Variants in CLVS1 observed in about 807,000 individuals in gnomAD.
CLVS1 encodes clavesin-1.
In CLVS1, 10 loss-of-function variants were observed where a neutral mutation model predicts 33.1. The ratio of observed to expected loss-of-function variants is 0.30; its 90% CI spans 0.19 to 0.51. The LOEUF (loss-of-function observed/expected upper bound fraction) is 0.51. CLVS1 is among the 20% of genes least tolerant of loss of function. The probability of loss-of-function intolerance (pLI) is 0.97; values close to 1 mark genes in which losing one functional copy is unlikely to be tolerated. For missense variants in CLVS1, 343 were observed against 433.4 expected, an observed-to-expected ratio of 0.79 and a Z score of 1.85; for synonymous variants, 163 against 166.1, an observed-to-expected ratio of 0.98 and a Z score of 0.14.
At chr8:61,395,062 A>G (rs575407325) in intron 3 of CLVS1, among the ~76,000 whole-genome samples, 1 of 152,316 alleles carries the variant, frequency 6.6e-6, no homozygotes, top group South Asian at 2.1e-4. Flanking sequence ...AGTTCCTTAT[A>G]TATTTTAGAT....
intron 3 of CLVS1, among the ~76,000 whole-genome samples, chr8:61,424,115 G>GC (rs1486115322): frequency 6.6e-6 from 1 of 152,156 alleles, no homozygotes; most frequent in East Asian, 1.9e-4. Flanking sequence ...AAACCTGTTA[G>GC]CAAGTTCACT....
At chr8:61,059,475 C>CTTATATATATATATATAT (rs71559322) in intron 1 of CLVS1, among the ~76,000 whole-genome samples, 1 of 50,214 alleles carries the variant, frequency 2.0e-5, no homozygotes, top group Non-Finnish European at 4.0e-5. Context: ...TACATACATA[C>CTTATATATATATATATAT]ATATATATAT....
chr8:61,178,339 G>A (rs562190378), intron 2 of CLVS1, among the ~76,000 whole-genome samples: 5 of 151,792 alleles, frequency 3.3e-5, no homozygotes, highest in Non-Finnish European at 7.4e-5. Context: ...AAGAAATTTG[G>A]GGCTATGTAA....
chr8:61,117,518 T>G (rs1355889094), intron 1 of CLVS1, among the ~76,000 whole-genome samples: 1 of 150,536 alleles, frequency 6.6e-6, no homozygotes, highest in Non-Finnish European at 1.5e-5. Flanking sequence ...TTGTCATAGA[T>G]AGCTCTTATT....
chr8:61,328,593 G>A (rs1279586042), intron 2 of CLVS1, among the ~76,000 whole-genome samples: 2 of 151,786 alleles, frequency 1.3e-5, no homozygotes, highest in Admixed American at 6.6e-5. Flanking sequence ...TTCATTCAAA[G>A]CATCATACAA....
chr8:60,997,782 AG>A, the CLVS1 span, among the ~76,000 whole-genome samples: 1 of 152,252 alleles, frequency 6.6e-6, no homozygotes, highest in African/African-American at 2.4e-5. Context: ...CTCAGGCTGC[AG>A]TGCAGCTCTC....
chr8:61,423,222 T>C (rs1174535306), intron 3 of CLVS1, among the ~76,000 whole-genome samples: 2 of 152,188 alleles, frequency 1.3e-5, no homozygotes, highest in Non-Finnish European at 2.9e-5. Flanking sequence ...GCATCAGAAC[T>C]AGGTACTTAT....
chr8:61,275,824 A>G (rs893828360), intron 2 of CLVS1, among the ~76,000 whole-genome samples: 2 of 152,234 alleles, frequency 1.3e-5, no homozygotes, highest in African/African-American at 4.8e-5. Flanking sequence ...ACTGAATTCA[A>G]ATAAATAAGA....
Position 61,499,749 on chromosome 8 carries a change from C to A in CLVS1, c.*207C>A. The A allele has an allele frequency of 2.5e-6, 1 of 395,944 alleles. No individual in the cohort carries two copies. The highest frequency in any genetic ancestry group is 4.6e-6 in the Non-Finnish European group (1 of 217,776). 24.5% of individuals were successfully genotyped at this position (395,944 alleles called of 1,614,324 possible). A position where few individuals can be genotyped will look rare whatever the true frequency, so the allele number is the denominator to read the frequency against. On this transcript the variant is annotated 3_prime_UTR_variant, in exon 6 of 6. Transcript: ENST00000325897. ...CTTGAGAGATGCTTTTTTTTTCCCC[C>A]AGTGAGGGGACTGGAGGATGATGCA... is the stretch of plus-strand genomic sequence containing the variant.
the CLVS1 span, among the ~76,000 whole-genome samples, chr8:61,046,188 G>C: frequency 1.4e-5 from 2 of 146,328 alleles, no homozygotes; most frequent in South Asian, 4.5e-4. Flanking sequence ...AAGGGATCCA[G>C]TTTCAGCTTT....
chr8:61,354,780 A>G (rs1233332631), intron 2 of CLVS1, among the ~76,000 whole-genome samples: 1 of 152,208 alleles, frequency 6.6e-6, no homozygotes. Context: ...ACAAAATTTT[A>G]GAAATGAAGA....
chr8:61,163,475 C>T (rs750382454), intron 2 of CLVS1, among the ~76,000 whole-genome samples: 16 of 152,212 alleles, frequency 1.1e-4, no homozygotes, highest in South Asian at 4.1e-4. Flanking sequence ...TGTAAAAAAA[C>T]GATCTCAGAA....
chr8:61,175,533 AG>A (rs1410482308), intron 2 of CLVS1, among the ~76,000 whole-genome samples: 8 of 152,220 alleles, frequency 5.3e-5, no homozygotes, highest in Non-Finnish European at 1.2e-4. Flanking sequence ...TTTGGAAATA[AG>A]GTTTTGCAGA....
intron 5 of CLVS1, among the ~76,000 whole-genome samples, chr8:61,469,348 A>G (rs767582955): frequency 9.2e-5 from 14 of 152,068 alleles, no homozygotes; most frequent in Non-Finnish European, 1.9e-4. Context: ...CTTCATCCTT[A>G]TGTTCTGTAA....
At chr8:61,061,908 T>G (rs1211291230) in intron 1 of CLVS1, among the ~76,000 whole-genome samples, 1 of 152,140 alleles carries the variant, frequency 6.6e-6, no homozygotes, top group Non-Finnish European at 1.5e-5. Context: ...CATTTTTATC[T>G]TTATTTCTTT....
chr8:61,097,834 GT>G (rs997437033), intron 1 of CLVS1, among the ~76,000 whole-genome samples: 1 of 152,152 alleles, frequency 6.6e-6, no homozygotes, highest in African/African-American at 2.4e-5. Context: ...AAAGGATTTT[GT>G]TTCTATTAAG....
upstream of CLVS1, among the ~76,000 whole-genome samples, chr8:61,283,030 G>T (rs928999031): frequency 6.6e-6 from 1 of 152,196 alleles, no homozygotes; most frequent in African/African-American, 2.4e-5. Flanking sequence ...ACGGGGGAAG[G>T]AGAGTTCCTC....
intron 2 of CLVS1, among the ~76,000 whole-genome samples, chr8:61,209,636 C>A (rs1807931464): frequency 6.6e-6 from 1 of 152,142 alleles, no homozygotes; most frequent in South Asian, 2.1e-4. Context: ...TCGACTTGAG[C>A]AACTGGGTTA....
chr8:61,358,050 A>G (rs1812816377), intron 2 of CLVS1, among the ~76,000 whole-genome samples: 1 of 152,222 alleles, frequency 6.6e-6, no homozygotes, highest in South Asian at 2.1e-4. Flanking sequence ...GAACAGCCCT[A>G]AAATCCTGTT....
Sources: allele counts gnomAD v4.1 joint callset (sites outside exome capture counted in the v4.1 genomes callset), GRCh38; gene constraint gnomAD v4.1.1; transcripts MANE v1.5; gene names NCBI Gene and HGNC (gene_info 2026-07-23, HGNC 2026-07-21).